The following DAB1 variants were observed in gnomAD, a reference collection of about 807,000 sequenced individuals.
The protein encoded by DAB1 is disabled homolog 1.
In DAB1, 15 loss-of-function variants were observed where a neutral mutation model predicts 64.6. That is an observed-to-expected ratio of 0.23 (90% CI 0.16 to 0.36). DAB1 has a LOEUF of 0.36. Ranked by LOEUF, DAB1 falls within the 10% of genes least tolerant of loss-of-function variation. DAB1 has a pLI of 1.00. For missense variants in DAB1, 596 were observed against 706.7 expected, an observed-to-expected ratio of 0.84 and a Z score of 1.78; for synonymous variants, 235 against 251.9, an observed-to-expected ratio of 0.93 and a Z score of 0.64.
rs138866759 is a variant in DAB1 at position 58,365,038 on chromosome 1, T to G, written n.258-21635A>C. 2.3e-4 allele frequency among the ~76,000 whole-genome samples: 35 copies of G among 152,372 alleles called. No individual in the cohort carries two copies. The East Asian group carries it at 6.7e-3, about 29-fold the overall frequency. ...CCCTAACTTCTAGTCCCTGACTTCA[T>G]AGTTCTCCCTGCCCTCGTTGCGTAG... is the stretch of plus-strand genomic sequence containing the variant. On this transcript the variant is annotated intron_variant and non_coding_transcript_variant, in intron 3 of 20. Transcript: ENST00000485760.
intron 5 of DAB1, among the ~76,000 whole-genome samples, chr1:57,954,910 G>A (rs759935358): frequency 1.5e-4 from 23 of 152,254 alleles, no homozygotes; most frequent in Non-Finnish European, 8.8e-5. Context: ...TCCCCTATTA[G>A]CTGCCATGAG....
chr1:57,592,998 G>T (rs768077061), intron 7 of DAB1, among the ~76,000 whole-genome samples: 1 of 152,204 alleles, frequency 6.6e-6, no homozygotes, highest in Non-Finnish European at 1.5e-5. Flanking sequence ...GAGAGACACA[G>T]TTCAGTCCAT....
At chr1:57,614,133 G>A (rs151249420) in intron 7 of DAB1, among the ~76,000 whole-genome samples, 5 of 152,276 alleles carry the variant, frequency 3.3e-5, no homozygotes, top group South Asian at 4.2e-4. Context: ...CATCCAGCTG[G>A]GAGTGACCAT....
At chr1:58,379,475 C>G (rs1644368114) in intron 3 of DAB1, among the ~76,000 whole-genome samples, 1 of 152,182 alleles carries the variant, frequency 6.6e-6, no homozygotes. Flanking sequence ...GCACTGGAAA[C>G]TCTAATTAGC....
chr1:57,795,731 A>C (rs1444232162), intron 6 of DAB1, among the ~76,000 whole-genome samples: 3 of 113,010 alleles, frequency 2.7e-5, no homozygotes, highest in Admixed American at 1.8e-4. Flanking sequence ...ATATATATAT[A>C]TATCATACAC....
chr1:58,545,299 A>G (rs542719042), intron 1 of DAB1, among the ~76,000 whole-genome samples: 1 of 152,332 alleles, frequency 6.6e-6, no homozygotes, highest in South Asian at 2.1e-4. Flanking sequence ...TCCTATTGAC[A>G]CAGAAGGTAT....
chr1:57,796,184 T>G (rs1242596136), intron 6 of DAB1, among the ~76,000 whole-genome samples: 1 of 152,088 alleles, frequency 6.6e-6, no homozygotes, highest in Non-Finnish European at 1.5e-5. Context: ...TTCATTCCAA[T>G]TGCATAATTT....
chr1:57,322,848 G>A (rs951476253), intron 1 of DAB1, among the ~76,000 whole-genome samples: 1 of 152,188 alleles, frequency 6.6e-6, no homozygotes, highest in Non-Finnish European at 1.5e-5. Flanking sequence ...CACCTGGAAA[G>A]CTTTTAATTG....
At chr1:58,160,497 A>G (rs1465747393) in intron 4 of DAB1, among the ~76,000 whole-genome samples, 1 of 152,098 alleles carries the variant, frequency 6.6e-6, no homozygotes, top group African/African-American at 2.4e-5. Context: ...TCAAAAGGCA[A>G]CCTTTCATAG....
chr1:58,481,063 G>C (rs1315649425), intron 3 of DAB1: 7 of 871,632 alleles, frequency 8.0e-6, no homozygotes, highest in Non-Finnish European at 1.4e-5. Context: ...GTGATATTTA[G>C]GTCTTCTTTC....
chr1:58,232,000 T>C (rs2100353485), intron 4 of DAB1, among the ~76,000 whole-genome samples: 1 of 152,338 alleles, frequency 6.6e-6, no homozygotes, highest in Non-Finnish European at 1.5e-5. Flanking sequence ...TTTGTCTAAC[T>C]CTAAACCCAT....
chr1:57,965,941 G>T (rs79556091), intron 5 of DAB1, among the ~76,000 whole-genome samples: 3 of 152,182 alleles, frequency 2.0e-5, no homozygotes, highest in African/African-American at 4.8e-5. Flanking sequence ...TAAATGGCGG[G>T]GGGGGAGAGG....
intron 4 of DAB1, among the ~76,000 whole-genome samples, chr1:58,180,411 G>A (rs1656728984): frequency 7.0e-6 from 1 of 142,006 alleles, no homozygotes; most frequent in South Asian, 2.3e-4. Flanking sequence ...TCTAATATTA[G>A]CCACCAGAGT....
At chr1:57,243,974 C>T (rs1342856001) in intron 2 of DAB1, among the ~76,000 whole-genome samples, 1 of 152,140 alleles carries the variant, frequency 6.6e-6, no homozygotes, top group Admixed American at 6.5e-5. Context: ...TATTCTTGAA[C>T]ATAATCCACT....
At chr1:57,825,988 A>C (rs954895724), downstream of DAB1, 2 of 152,204 alleles carry the variant, frequency 1.3e-5, no homozygotes, top group African/African-American at 4.8e-5. Flanking sequence ...GTCACACTGT[A>C]ACAGGTGTGG....
intron 1 of DAB1, among the ~76,000 whole-genome samples, chr1:58,529,818 A>G (rs945733158): frequency 6.6e-6 from 1 of 152,220 alleles, no homozygotes; most frequent in African/African-American, 2.4e-5. Flanking sequence ...CAAGTAATCT[A>G]GAGATGATTT....
At chr1:58,196,902 C>A (rs1450190001) in intron 4 of DAB1, among the ~76,000 whole-genome samples, 1 of 152,190 alleles carries the variant, frequency 6.6e-6, no homozygotes, top group East Asian at 1.9e-4. Context: ...AAAGAACATT[C>A]CTTTTCCTCC....
chr1:57,855,509 T>C (rs889738098), intron 1 of DAB1, among the ~76,000 whole-genome samples: 2 of 152,146 alleles, frequency 1.3e-5, no homozygotes, highest in Middle Eastern at 3.2e-3. Context: ...ATAGTGATGG[T>C]GCTTTCAGGT....
At chr1:57,950,383 C>T (rs907507177) in intron 5 of DAB1, among the ~76,000 whole-genome samples, 1 of 152,124 alleles carries the variant, frequency 6.6e-6, no homozygotes, top group Non-Finnish European at 1.5e-5. Context: ...CTTCCCAGAC[C>T]ATCACACACC....
Sources: allele counts gnomAD v4.1 joint callset (sites outside exome capture counted in the v4.1 genomes callset), GRCh38; gene constraint gnomAD v4.1.1; transcripts MANE v1.5; gene names NCBI Gene and HGNC (gene_info 2026-07-23, HGNC 2026-07-21).